Variants in TIAM1 observed in about 807,000 individuals in gnomAD.
TIAM1 encodes TIAM Rac1 associated GEF 1, also known as rho guanine nucleotide exchange factor TIAM1.
A neutral mutation model predicts 163.5 loss-of-function variants in TIAM1; 65 were observed. That is an observed-to-expected ratio of 0.40 (90% CI 0.33 to 0.49). The LOEUF is 0.49. Among genes scored for constraint, TIAM1 ranks in the 20% least tolerant of loss-of-function variants. The pLI is 0.77. For missense variants in TIAM1, 1,789 were observed against 2,044.7 expected, an observed-to-expected ratio of 0.87 and a Z score of 2.41; for synonymous variants, 833 against 810.1, an observed-to-expected ratio of 1.03 and a Z score of -0.48.
intron 1 of TIAM1, among the ~76,000 whole-genome samples, chr21:31,479,987 T>C (rs1191855303): frequency 6.6e-6 from 1 of 152,200 alleles, no homozygotes; most frequent in Non-Finnish European, 1.5e-5. Context: ...AGTGCGGCCA[T>C]TGTCCATTTA....
chr21:31,442,133 C>T lies in TIAM1; in HGVS notation c.-369+21850G>A, dbSNP rs1037087660. 6.4e-4 allele frequency among the ~76,000 whole-genome samples: 85 copies of T among 133,778 alleles called. 1 individual carries two copies. Among genetic ancestry groups the T allele is most frequent in the African/African-American group, 2.3e-3 (82 of 36,180 alleles). The allele number at this position is 133,778 out of a possible 152,430, so 87.8% of individuals were successfully genotyped here. On this transcript the variant is annotated intron_variant, in intron 2 of 28. Coordinates refer to the TIAM1 transcript ENST00000286827. ...CAGGGAAAAGAGATCAAGCTCAACTCCAAACACAGCAAGGACAAGTGAGAA... is the reference window on the plus strand; with the variant it reads ...CAGGGAAAAGAGATCAAGCTCAACTTCAAACACAGCAAGGACAAGTGAGAA...
At chr21:31,294,802 T>C (rs1427657464) in intron 2 of TIAM1, among the ~76,000 whole-genome samples, 1 of 152,150 alleles carries the variant, frequency 6.6e-6, no homozygotes, top group Non-Finnish European at 1.5e-5. Context: ...AGCCTTCTGG[T>C]TCTGCGGCTG....
rs189195727 is a variant in TIAM1 at position 31,359,091 on chromosome 21, C to G, written c.-368-19669G>C. Among the ~76,000 whole-genome samples the G allele has an allele frequency of 6.6e-3, 1,008 of 152,178 alleles. 15 individuals are homozygous for G. Among genetic ancestry groups the G allele is most frequent in the African/African-American group, 0.024 (979 of 41,498 alleles). On this transcript the variant is annotated intron_variant, in intron 2 of 28. Coordinates refer to the TIAM1 transcript ENST00000286827. ...TCTTTTAGTCTTCATTCAAATGGTA[C>G]CATCTCATCACTATACCCTAATCTA...
At chr21:31,286,120 C>T (rs1198243829) in intron 2 of TIAM1, among the ~76,000 whole-genome samples, 1 of 152,128 alleles carries the variant, frequency 6.6e-6, no homozygotes, top group Non-Finnish European at 1.5e-5. Flanking sequence ...TCCTGTGTTG[C>T]ACCATTGCTA....
At chr21:31,287,118 C>CAATGGTGT (rs1267404666) in intron 2 of TIAM1, among the ~76,000 whole-genome samples, 2 of 152,182 alleles carry the variant, frequency 1.3e-5, no homozygotes, top group African/African-American at 4.8e-5. Flanking sequence ...CTTACAATCA[C>CAATGGTGT]AATGGTGTAT....
chr21:31,174,664 TGA>T (rs949696744), intron 15 of TIAM1, among the ~76,000 whole-genome samples: 5 of 152,218 alleles, frequency 3.3e-5, no homozygotes, highest in African/African-American at 9.6e-5. Context: ...TTTCTTTTTT[TGA>T]GAGAGAGTTT....
At chr21:31,532,745 T>C (rs1401674364) in intron 1 of TIAM1, among the ~76,000 whole-genome samples, 1 of 152,216 alleles carries the variant, frequency 6.6e-6, no homozygotes, top group East Asian at 1.9e-4. Flanking sequence ...TAAGAGAAAT[T>C]TCCCCATCCT....
chr21:31,416,079 G>C (rs1409086564), intron 2 of TIAM1, among the ~76,000 whole-genome samples: 2 of 152,164 alleles, frequency 1.3e-5, no homozygotes, highest in Non-Finnish European at 2.9e-5. Context: ...AAGCTCTTTG[G>C]GGTTACCTTT....
chr21:31,283,609 A>G (rs780431128), intron 2 of TIAM1, among the ~76,000 whole-genome samples: 5 of 151,678 alleles, frequency 3.3e-5, no homozygotes, highest in Non-Finnish European at 7.4e-5. Flanking sequence ...CAGTGGCATG[A>G]TCTCTGCTCA....
At chr21:31,315,527 T>A (rs1305215873) in intron 2 of TIAM1, among the ~76,000 whole-genome samples, 1 of 148,134 alleles carries the variant, frequency 6.8e-6, no homozygotes, top group Non-Finnish European at 1.5e-5. Flanking sequence ...AAAAAAAAAG[T>A]AGCCGGGTGT....
At chr21:31,321,404 GTGCAATGGCGCGATCTTGGCTCAC>G (rs2075308597) in intron 2 of TIAM1, among the ~76,000 whole-genome samples, 1 of 152,120 alleles carries the variant, frequency 6.6e-6, no homozygotes, top group Non-Finnish European at 1.5e-5. Flanking sequence ...CCAGGCTGGA[GTGCAATGGCGCGATCTTGGCTCAC>G]TGCAACCTCC....
At chr21:31,403,991 T>C (rs2077207568) in intron 2 of TIAM1, among the ~76,000 whole-genome samples, 2 of 152,130 alleles carry the variant, frequency 1.3e-5, no homozygotes, top group Non-Finnish European at 2.9e-5. Context: ...CAGGCGACAC[T>C]TAGCCGCAAC....
At chr21:31,189,462 T>C (rs1206264517) in intron 13 of TIAM1, among the ~76,000 whole-genome samples, 1 of 152,070 alleles carries the variant, frequency 6.6e-6, no homozygotes, top group Admixed American at 6.6e-5. Flanking sequence ...GACAACTGGG[T>C]AAAAAGACTA....
intron 2 of TIAM1, among the ~76,000 whole-genome samples, chr21:31,383,660 C>A (rs560875514): frequency 6.6e-6 from 1 of 152,210 alleles, no homozygotes; most frequent in Non-Finnish European, 1.5e-5. Flanking sequence ...CCTGTATCTA[C>A]ATGGGACTAC....
intron 16 of TIAM1, among the ~76,000 whole-genome samples, chr21:31,162,063 C>T (rs565317495): frequency 6.6e-6 from 1 of 152,170 alleles, no homozygotes; most frequent in African/African-American, 2.4e-5. Context: ...TATTTAAAAC[C>T]AGATGTTAAC....
intron 11 of TIAM1, among the ~76,000 whole-genome samples, chr21:31,207,309 G>T (rs944991471): frequency 6.6e-6 from 1 of 152,166 alleles, no homozygotes; most frequent in African/African-American, 2.4e-5. Context: ...TGCTCAGATG[G>T]CAGATGGCAA....
intron 4 of TIAM1, among the ~76,000 whole-genome samples, chr21:31,264,914 C>T (rs2146808795): frequency 6.6e-6 from 1 of 152,318 alleles, no homozygotes; most frequent in African/African-American, 2.4e-5. Flanking sequence ...ACCACCTCCA[C>T]ATCCTCAGCA....
chr21:31,295,465 A>C (rs865862411), intron 2 of TIAM1, among the ~76,000 whole-genome samples: 1 of 111,324 alleles, frequency 9.0e-6, no homozygotes, highest in African/African-American at 4.0e-5. Context: ...GTGAGACTCC[A>C]TCACAAAAAA....
chr21:31,504,778 C>T (rs1161774948), intron 1 of TIAM1, among the ~76,000 whole-genome samples: 1 of 152,002 alleles, frequency 6.6e-6, no homozygotes, highest in African/African-American at 2.4e-5. Context: ...CATCGGCCTG[C>T]ATTTTTTCAG....
Sources: gnomAD v4.1 joint callset for allele counts (sites outside exome capture counted in the v4.1 genomes callset) on GRCh38, gnomAD v4.1.1 for gene constraint, MANE v1.5 for transcripts, NCBI Gene and HGNC (gene_info 2026-07-23, HGNC 2026-07-21) for gene names.